Variants in SPOCK3 observed in about 807,000 individuals in gnomAD.
SPOCK3 encodes the protein SPARC (osteonectin), cwcv and kazal like domains proteoglycan 3.
Under a neutral mutation model 56.6 loss-of-function variants are expected in SPOCK3, and 30 were observed. The ratio of observed to expected loss-of-function variants is 0.53; its 90% CI spans 0.40 to 0.72. The LOEUF is 0.72. SPOCK3 is among the 30% of genes least tolerant of loss of function. The pLI, the probability that SPOCK3 is intolerant of heterozygous loss-of-function variation, is 0.00. For synonymous variants in SPOCK3, 196 were observed against 183.3 expected, an observed-to-expected ratio of 1.07 and a Z score of -0.56; for missense variants, 527 against 530.0, an observed-to-expected ratio of 0.99 and a Z score of 0.06.
At chr4:167,061,864 T>C (rs1755642702) in intron 3 of SPOCK3, among the ~76,000 whole-genome samples, 1 of 151,984 alleles carries the variant, frequency 6.6e-6, no homozygotes, top group African/African-American at 2.4e-5. Flanking sequence ...CAAATCTCTT[T>C]AGTCATTTAT....
intron 6 of SPOCK3, among the ~76,000 whole-genome samples, chr4:166,836,610 T>C (rs1292303743): frequency 6.6e-6 from 1 of 152,158 alleles, no homozygotes; most frequent in Non-Finnish European, 1.5e-5. Context: ...TCCTAGGTGG[T>C]AAAAATGGCC....
At chr4:167,120,617 G>C (rs1761785787) in intron 2 of SPOCK3, among the ~76,000 whole-genome samples, 1 of 151,980 alleles carries the variant, frequency 6.6e-6, no homozygotes, top group Non-Finnish European at 1.5e-5. Context: ...AAATAATGAA[G>C]AGGATTTTTT....
intron 5 of SPOCK3, among the ~76,000 whole-genome samples, chr4:166,899,258 CTA>C (rs1491310064): frequency 8.6e-6 from 1 of 116,136 alleles, no homozygotes. Flanking sequence ...ATCTATCTAT[CTA>C]TCTATCTATC....
At chr4:166,990,399 T>A (rs200710388) in intron 4 of SPOCK3, among the ~76,000 whole-genome samples, 6 of 150,998 alleles carry the variant, frequency 4.0e-5, no homozygotes, top group Non-Finnish European at 7.4e-5. Context: ...ATAAAAAAAT[T>A]AAAAAAAAAT....
intron 6 of SPOCK3, among the ~76,000 whole-genome samples, chr4:166,865,853 G>C (rs1731773138): frequency 6.6e-6 from 1 of 152,098 alleles, no homozygotes; most frequent in South Asian, 2.1e-4. Flanking sequence ...TGGCCATATT[G>C]CCCAAAGTGA....
At chr4:166,789,440 A>AAAAACC (rs745520107) in intron 7 of SPOCK3, among the ~76,000 whole-genome samples, 1 of 152,110 alleles carries the variant, frequency 6.6e-6, no homozygotes, top group Non-Finnish European at 1.5e-5. Flanking sequence ...AAAAAAAGAA[A>AAAAACC]AAAACCAAAA....
At chr4:167,134,085 G>A (rs193052227) in intron 2 of SPOCK3, among the ~76,000 whole-genome samples, 1,729 of 135,604 alleles carry the variant, frequency 0.013, 18 homozygotes, top group Non-Finnish European at 0.02. Context: ...CTGAAGTGCA[G>A]TGGCATGATC....
At chr4:166,809,530 G>A (rs1743538926) in intron 6 of SPOCK3, among the ~76,000 whole-genome samples, 3 of 151,952 alleles carry the variant, frequency 2.0e-5, no homozygotes, top group Admixed American at 2.0e-4. Context: ...CATGAACTCT[G>A]ACCCTAAATG....
intron 5 of SPOCK3, among the ~76,000 whole-genome samples, chr4:166,899,901 T>C (rs1291687852): frequency 6.6e-6 from 1 of 152,202 alleles, no homozygotes; most frequent in Non-Finnish European, 1.5e-5. Context: ...ATCTCTTTGA[T>C]TCTTACCACC....
At chr4:166,873,022 G>A (rs1162275998) in intron 6 of SPOCK3, among the ~76,000 whole-genome samples, 1 of 152,050 alleles carries the variant, frequency 6.6e-6, no homozygotes, top group East Asian at 1.9e-4. Flanking sequence ...GAGAGGGAGA[G>A]CTCATTCACG....
At chr4:167,156,993 G>A (rs921374538) in intron 2 of SPOCK3, among the ~76,000 whole-genome samples, 8 of 152,054 alleles carry the variant, frequency 5.3e-5, no homozygotes, top group African/African-American at 1.7e-4. Context: ...GACAGTAAAT[G>A]CTGGATCTCT....
At chr4:167,058,198 G>A (rs1755128180) in intron 3 of SPOCK3, among the ~76,000 whole-genome samples, 1 of 152,114 alleles carries the variant, frequency 6.6e-6, no homozygotes, top group Admixed American at 6.6e-5. Context: ...TAGGAAAAGA[G>A]GAAGTCAAAT....
chr4:167,129,047 C>T (rs1041462223), intron 2 of SPOCK3, among the ~76,000 whole-genome samples: 2 of 152,274 alleles, frequency 1.3e-5, no homozygotes, highest in East Asian at 3.9e-4. Context: ...CCACTGACAA[C>T]ATCTCCTAAG....
At chr4:167,198,258 T>A (rs1733160935) in intron 2 of SPOCK3, among the ~76,000 whole-genome samples, 1 of 152,204 alleles carries the variant, frequency 6.6e-6, no homozygotes, top group Middle Eastern at 3.4e-3. Flanking sequence ...TCAAAAAAAA[T>A]TAAAGTCTTT....
intron 4 of SPOCK3, among the ~76,000 whole-genome samples, chr4:166,915,466 A>C (rs1737744320): frequency 1.3e-5 from 2 of 152,226 alleles, no homozygotes. Flanking sequence ...TGTAACATTA[A>C]AAACTTAACA....
chr4:166,943,163 C>T (rs1460683626), intron 4 of SPOCK3, among the ~76,000 whole-genome samples: 1 of 152,176 alleles, frequency 6.6e-6, no homozygotes, highest in Non-Finnish European at 1.5e-5. Flanking sequence ...ACTTCAAATT[C>T]TAGTGCTGAG....
chr4:166,791,808 C>T (rs143377847), intron 7 of SPOCK3, among the ~76,000 whole-genome samples: 18 of 152,186 alleles, frequency 1.2e-4, no homozygotes, highest in South Asian at 4.1e-4. Flanking sequence ...GGCTACCATA[C>T]GGGGGAGTTC....
rs1561321390 is a variant in SPOCK3, at chr4:167,205,334, TTATATATTA to T, written c.189+28642_189+28650del. Among the ~76,000 whole-genome samples, 28 of 45,766 alleles carry T rather than the reference TTATATATTA, an allele frequency of 6.1e-4. 1 individual carries two copies. Among genetic ancestry groups the T allele is most frequent in the South Asian group, 3.7e-3 (7 of 1,870 alleles). The allele number at this position is 45,766 out of a possible 152,430, so 30.0% of individuals were successfully genotyped here. ...ATATATTTTATATATATAATATATA[TTATATATTA>T]TATATATAATATATATATTATATAT... On this transcript the variant is annotated intron_variant, in intron 2 of 10. Transcript: ENST00000357545.
At chr4:167,186,892 G>A (rs1732020899) in intron 2 of SPOCK3, among the ~76,000 whole-genome samples, 2 of 147,736 alleles carry the variant, frequency 1.4e-5, no homozygotes, top group African/African-American at 2.5e-5. Flanking sequence ...CAGGAGAATC[G>A]CTGGAACCCG....
Sources: gnomAD v4.1 joint callset for allele counts (sites outside exome capture counted in the v4.1 genomes callset) on GRCh38, gnomAD v4.1.1 for gene constraint, MANE v1.5 for transcripts, NCBI Gene and HGNC (gene_info 2026-07-23, HGNC 2026-07-21) for gene names.